The following ATG2A variants were observed in gnomAD, a reference collection of about 807,000 sequenced individuals.
ATG2A encodes autophagy related 2A, also known as autophagy-related protein 2 homolog A.
ATG2A carries 103 observed loss-of-function variants against 214.2 expected under a neutral mutation model. The ratio of observed to expected loss-of-function variants is 0.48; its 90% CI spans 0.41 to 0.57. The LOEUF (loss-of-function observed/expected upper bound fraction) is 0.57. Ranked by LOEUF, ATG2A falls within the 20% of genes least tolerant of loss-of-function variation. The pLI, the probability that ATG2A is intolerant of heterozygous loss-of-function variation, is 0.00. For synonymous variants in ATG2A, 1,160 were observed against 1,142.1 expected, an observed-to-expected ratio of 1.02 and a Z score of -0.32; for missense variants, 2,312 against 2,613.2, an observed-to-expected ratio of 0.88 and a Z score of 2.51.
chr11:64,896,399 C>T (rs1944151458), intron 39 of ATG2A, 63 bp downstream of exon 39: 1 of 1,522,290 alleles, frequency 6.6e-7, no homozygotes, highest in Admixed American at 2.0e-5. Flanking sequence ...AACCAGGGAG[C>T]TGTGGTGCAG....
Position 64,913,749 on chromosome 11 carries a change from C to A in ATG2A, c.590+72G>T. 7.0e-7 allele frequency: 1 copy of A among 1,434,248 alleles called. No individual in the cohort carries two copies. The highest frequency in any genetic ancestry group is 9.7e-7 in the Non-Finnish European group (1 of 1,032,616). The allele number at this position is 1,434,248 out of a possible 1,614,324, so 88.8% of individuals were successfully genotyped here. Reference sequence around the variant, plus strand: ...TGCCTCTTCCCAGGAACCTAGGCTGCGGGTGGGGACCATCCAGCAGCCCCC... The same window carrying A: ...TGCCTCTTCCCAGGAACCTAGGCTGAGGGTGGGGACCATCCAGCAGCCCCC... On this transcript the variant is annotated intron_variant, in intron 4 of 40. Coordinates refer to ENST00000377264, the MANE Select transcript of ATG2A (RefSeq NM_015104.3). The surrounding 1 kb of genome is among the most constrained non-coding windows in gnomAD (Gnocchi z 4.3).
chr11:64,905,001 G>A (rs555789113), intron 24 of ATG2A, among the ~76,000 whole-genome samples: 5 of 152,206 alleles, frequency 3.3e-5, no homozygotes, highest in South Asian at 2.1e-4. Flanking sequence ...GACTACAGGC[G>A]CCTGCCACCA....
At chr11:64,909,392 G>T in intron 14 of ATG2A, 25 bp from the exon 15 acceptor site, 1 of 1,600,176 alleles carries the variant, frequency 6.2e-7, no homozygotes, top group South Asian at 1.1e-5. Context: ...GGAATTAGGG[G>T]GGTCATCACT....
intron 24 of ATG2A, 82 bp downstream of exon 24, chr11:64,905,481 G>A (rs930970707): frequency 1.0e-5 from 14 of 1,374,878 alleles, no homozygotes; most frequent in Admixed American, 2.0e-5. Context: ...CATTAAGACC[G>A]AGAGCACCAG....
Position 64,900,959 on chromosome 11 carries a change from C to A in ATG2A, c.4253G>T (p.Arg1418Leu), listed in dbSNP as rs372355626. 4 of 1,583,276 alleles carry A rather than the reference C, an allele frequency of 2.5e-6. No homozygotes were observed. The highest frequency in any genetic ancestry group is 1.3e-5 in the African/African-American group (1 of 74,080). Residue 1418 changes from arginine to leucine, a missense_variant, in exon 30 of 41, where the codon CGG becomes CTG. By Grantham distance (102) the Arg-to-Leu change is moderately radical. Coordinates refer to ENST00000377264, the MANE Select transcript of ATG2A (RefSeq NM_015104.3). ...GAGGGAGACCTCACGTAGCACCACCCGAGTGCTGGGCACTGGGAAATGGGC... is the reference window on the plus strand; with the variant it reads ...GAGGGAGACCTCACGTAGCACCACCAGAGTGCTGGGCACTGGGAAATGGGC... ...APAHFPVPST[R>L]VVLREVSLVW... is the part of the protein sequence containing the mutation.
Position 64,903,144 on chromosome 11 carries a change from G to T in ATG2A, c.3612+144C>A. ...CAGGGCTGTACTATGGCCCTTTGCA[G>T]GAGGGGCGCTAACTGCAGCCCAGGA... On this transcript the variant is annotated intron_variant, in intron 26 of 40. Transcript: ENST00000377264. The surrounding 1 kb of genome is among the most constrained non-coding windows in gnomAD (Gnocchi z 4.2). The T allele has an allele frequency of 2.7e-6, 2 of 728,448 alleles. No homozygotes were observed. The highest frequency in any genetic ancestry group is 4.7e-6 in the Non-Finnish European group (2 of 429,002). The allele number at this position is 728,448 out of a possible 1,614,324, so 45.1% of individuals were successfully genotyped here. A position where few individuals can be genotyped will look rare whatever the true frequency, so the allele number is the denominator to read the frequency against.
rs368963096 is a variant in ATG2A, at chr11:64,912,111, T to A, written c.1061A>T (p.Asn354Ile). The A allele has an allele frequency of 6.2e-6, 10 of 1,613,108 alleles. No homozygotes were observed. The highest frequency in any genetic ancestry group is 1.3e-5 in the African/African-American group (1 of 74,764). ...AEPLSPDPLT[N>I]PLLNLDNTDL... is the part of the protein sequence containing the mutation. ...AGTGTTATCCAGGTTGAGAAGGGGG[T>A]TGGTAAGGGGGTCTGGGCTGAGGGG... The change falls in exon 8 of 41, where the codon AAC becomes ATC. Residue 354 changes from asparagine to isoleucine, a missense_variant. Asn to Ile is a moderately radical substitution (Grantham distance 149, BLOSUM62 -3). Coordinates refer to ENST00000377264, the MANE Select transcript of ATG2A (RefSeq NM_015104.3).
chr11:64,907,515 C>A lies in ATG2A; in HGVS notation c.2647+10G>T. 6.2e-7 allele frequency: 1 copy of A among 1,612,712 alleles called. No individual in the cohort carries two copies. Among genetic ancestry groups the A allele is most frequent in the Non-Finnish European group, 8.5e-7 (1 of 1,179,694 alleles). On this transcript the variant is annotated intron_variant, in intron 18 of 40. Transcript: ENST00000377264. ...TCCTCCCTCTAGCCCAGCGTTAGCA[C>A]CTCTCATACCCAGCTTGAAGGCTGA...
chr11:64,912,285 C>CCCCG, intron 7 of ATG2A, 36 bp from the exon 8 acceptor site: 5 of 1,591,980 alleles, frequency 3.1e-6, no homozygotes, highest in Non-Finnish European at 3.4e-6. Flanking sequence ...GGCTGGCTGG[C>CCCCG]CCTCCCAGCC....
chr11:64,904,198 A>C (rs1377188567), intron 24 of ATG2A, among the ~76,000 whole-genome samples: 1 of 151,822 alleles, frequency 6.6e-6, no homozygotes, highest in Non-Finnish European at 1.5e-5. Context: ...GCGAGCCTAG[A>C]TCACACCACT....
chr11:64,908,881 C>T (rs186364141), intron 16 of ATG2A, 110 bp downstream of exon 16: 1 of 1,290,104 alleles, frequency 7.8e-7, no homozygotes, highest in Non-Finnish European at 1.1e-6. Context: ...CTCATGCCCA[C>T]CCCAGGTGGT....
rs755006745 is a variant in ATG2A at position 64,898,864 on chromosome 11, G to A, written c.4465-22C>T. ...TTACCTGTGGGGTGGACAGAGGCCTGGCCAGGTAAGCAGGGCCCCAAGAGG... is the reference window on the plus strand; with the variant it reads ...TTACCTGTGGGGTGGACAGAGGCCTAGCCAGGTAAGCAGGGCCCCAAGAGG... On this transcript the variant is annotated intron_variant, in intron 31 of 40. Transcript: ENST00000377264. This position sits in a 1 kb window ranked among gnomAD's most constrained non-coding sequence, Gnocchi z 4.5. The A allele has an allele frequency of 3.9e-5, 62 of 1,599,026 alleles. No homozygotes were observed. Among genetic ancestry groups the A allele is most frequent in the Non-Finnish European group, 4.9e-5 (58 of 1,176,256 alleles).
At position 64,905,813 on chromosome 11, in the gene ATG2A, C is replaced by G. The variant is rs778696823; in HGVS notation, c.3300G>C (p.Val1100=). ...TGACCGTCGGGGGCAGGTAGCCCAG[C>G]ACAGGGTCATCCAGCACGTCTAGGA... ...LEFLDVLDDP[V]LGYLPPTVIT... Residue 1100 remains valine, a synonymous_variant, in exon 23 of 41, where the codon GTG becomes GTC. Transcript: ENST00000377264. 5.6e-6 allele frequency: 9 copies of G among 1,613,700 alleles called. No individual in the cohort carries two copies. Among genetic ancestry groups the G allele is most frequent in the Admixed American group, 3.3e-5 (2 of 60,024 alleles).
chr11:64,910,056 G>A lies in ATG2A; in HGVS notation c.1847C>T (p.Pro616Leu), dbSNP rs780098630. Reference sequence around the variant, plus strand: ...GCCTCTCACCAGCAGGCCGGCTGGAGGCTCAGCAGGTACGGTGGCCAGGCG... The same window carrying A: ...GCCTCTCACCAGCAGGCCGGCTGGAAGCTCAGCAGGTACGGTGGCCAGGCG... ...LLRLATVPAE[P>L]PAGLLTEPLP... The change falls in exon 13 of 41, where the codon CCT becomes CTT. Residue 616 changes from proline (P) to leucine (L), a missense_variant. Transcript: ENST00000377264. 1 of 1,591,968 alleles carries A rather than the reference G, an allele frequency of 6.3e-7. No homozygotes were observed. The highest frequency in any genetic ancestry group is 8.5e-7 in the Non-Finnish European group (1 of 1,170,614).
chr11:64,906,695 C>T lies in ATG2A; in HGVS notation c.2953G>A (p.Glu985Lys). 6.2e-7 allele frequency: 1 copy of T among 1,613,644 alleles called. No homozygotes were observed. The highest frequency in any genetic ancestry group is 8.5e-7 in the Non-Finnish European group (1 of 1,180,024). ...TGGTAGAGTGTTGCCTTTTCAGCTT[C>T]CAGACAGAAGTAGCCAAGTCCTGGC... ...GQPGLGYFCL[E>K]AEKATLYHRA... The change falls in exon 20 of 41, where the codon GAA becomes AAA. Residue 985 changes from glutamate to lysine, a missense_variant. Physicochemically the swap from Glu to Lys is moderately conservative, Grantham distance 56. Coordinates refer to ENST00000377264, the MANE Select transcript of ATG2A (RefSeq NM_015104.3).
chr11:64,916,779 A>G (rs1164197217), intron 1 of ATG2A, among the ~76,000 whole-genome samples, 186 bp downstream of exon 1: 1 of 152,030 alleles, frequency 6.6e-6, no homozygotes, highest in Non-Finnish European at 1.5e-5. Flanking sequence ...CTTCCCGCTC[A>G]GTTTCTGGCT....
In ATG2A at chr11:64,913,038, C is replaced by A; in HGVS notation, c.825G>T (p.Lys275Asn). 1 of 1,551,332 alleles carries A rather than the reference C, an allele frequency of 6.4e-7. No individual in the cohort carries two copies. Among genetic ancestry groups the A allele is most frequent in the Non-Finnish European group, 8.7e-7 (1 of 1,148,066 alleles). The part of the protein sequence containing the change: ...LKQNEAFPGP[K>N]LEVAGQLGSL... Reference sequence around the variant, plus strand: ...CCTCCCCAGGGGCCTGGGGACCCACCTTGGGGCCAGGGAAGGCCTCATTTT... The same window carrying A: ...CCTCCCCAGGGGCCTGGGGACCCACATTGGGGCCAGGGAAGGCCTCATTTT... The change falls in exon 6 of 41, where the codon AAG becomes AAT. Residue 275 changes from lysine (K) to asparagine (N), a missense_variant and splice_region_variant. Physicochemically the swap from Lys to Asn is moderately conservative, Grantham distance 94. Coordinates refer to ENST00000377264, the MANE Select transcript of ATG2A (RefSeq NM_015104.3). This position sits in a 1 kb window ranked among gnomAD's most constrained non-coding sequence, Gnocchi z 4.3.
intron 12 of ATG2A, 113 bp downstream of exon 12, chr11:64,910,503 T>A: frequency 1.6e-6 from 2 of 1,270,786 alleles, no homozygotes; most frequent in Admixed American, 2.1e-5. Flanking sequence ...TGGAGAGATG[T>A]GGAGCACAGG....
At chr11:64,916,683 A>G (rs944006533) in intron 1 of ATG2A, among the ~76,000 whole-genome samples, 50 of 151,920 alleles carry the variant, frequency 3.3e-4, no homozygotes, top group African/African-American at 1.1e-3. Context: ...TCAGCCCCCA[A>G]ACTCGACGAG....
Sources: gnomAD v4.1 joint callset for allele counts (sites outside exome capture counted in the v4.1 genomes callset) on GRCh38, gnomAD v4.1.1 for gene constraint, Gnocchi (gnomAD v3.1) non-coding constraint, MANE v1.5 for transcripts, NCBI Gene and HGNC (gene_info 2026-07-23, HGNC 2026-07-21) for gene names.